The following URB1 variants were observed in gnomAD, a reference collection of about 807,000 sequenced individuals.
URB1 encodes nucleolar pre-ribosomal-associated protein 1.
URB1 carries 197 observed loss-of-function variants against 242.3 expected under a neutral mutation model. The ratio of observed to expected loss-of-function variants is 0.81; its 90% CI spans 0.72 to 0.91. The LOEUF (loss-of-function observed/expected upper bound fraction) is 0.91. Ranked by LOEUF, URB1 falls within the 40% of genes least tolerant of loss-of-function variation. The pLI is 0.00. For missense variants in URB1, 2,721 were observed against 2,860.5 expected (o/e 0.95, Z 1.11); for synonymous variants, 1,153 against 1,201.8 (o/e 0.96, Z 0.84).
In URB1 at chr21:32,333,415, G is replaced by GC. The variant is rs1349326003; in HGVS notation, c.4861_4862insG (p.Thr1621SerfsTer15). 1 of 1,551,254 alleles carries GC rather than the reference G, an allele frequency of 6.4e-7. No homozygotes were observed. The highest frequency in any genetic ancestry group is 8.7e-7 in the Non-Finnish European group (1 of 1,146,694). On this transcript the variant is annotated frameshift_variant, in exon 30 of 39. Transcript: ENST00000382751. LOFTEE classifies it high-confidence loss of function. ...TTTGTCTTTGAATATCAGCTCCTGT[G>GC]TGTCCTGAAAGAGCCAAAATCAACA...
chr21:32,366,024 G>C (rs2033342589), intron 10 of URB1, among the ~76,000 whole-genome samples: 1 of 152,242 alleles, frequency 6.6e-6, no homozygotes, highest in Non-Finnish European at 1.5e-5. Context: ...TGCGGTGAAA[G>C]ACATGTGAAC....
Position 32,319,224 on chromosome 21 carries a change from G to T in URB1, c.5785C>A (p.His1929Asn). ...GGCGGGGGCAGGACTCACCTCAGGT[G>T]CTTCATGAGCACGATGAGAACATAA... ...FLYVLIVLMK[H>N]LRPTLAPVQL... The change falls in exon 36 of 39, where the codon CAC (histidine) becomes AAC (asparagine). Residue 1929 changes from histidine (H) to asparagine (N), a missense_variant. By Grantham distance (68) the His-to-Asn change is moderately conservative. Coordinates refer to ENST00000382751, the MANE Select transcript of URB1 (RefSeq NM_014825.3). 6.5e-7 allele frequency: 1 copy of T among 1,549,462 alleles called. No homozygotes were observed. The highest frequency in any genetic ancestry group is 1.4e-5 in the African/African-American group (1 of 73,096).
At position 32,316,865 on chromosome 21, in the gene URB1, G is replaced by GCTC. The variant is rs1044578453; in HGVS notation, c.6232_6234dup (p.Glu2078dup). On this transcript the variant is annotated inframe_insertion, in exon 38 of 39. Coordinates refer to ENST00000382751, the MANE Select transcript of URB1 (RefSeq NM_014825.3). ...CTCTCGGGGCTGGCTGAGTCCACAGGCTCCTGAGTGGGGTCAGGACCAGGG... is the reference window on the plus strand; with the variant it reads ...CTCTCGGGGCTGGCTGAGTCCACAGGCTCCTCCTGAGTGGGGTCAGGACCAGGG... 1.3e-6 allele frequency: 2 copies of GCTC among 1,550,804 alleles called. No homozygotes were observed. The highest frequency in any genetic ancestry group is 2.7e-5 in the African/African-American group (2 of 73,020).
At chr21:32,335,194 C>T (rs749059849) in intron 28 of URB1, 3 of 152,908 alleles carry the variant, frequency 2.0e-5, no homozygotes, top group Admixed American at 6.5e-5. Context: ...CCCGATAAGC[C>T]GGGCTACTCA....
chr21:32,357,232 A>C (rs1055260937), intron 15 of URB1, among the ~76,000 whole-genome samples: 1 of 151,938 alleles, frequency 6.6e-6, no homozygotes, highest in Non-Finnish European at 1.5e-5. Context: ...GAGCCTGAGA[A>C]GGAGGAAAGA....
chr21:32,342,426 T>C (rs1033522437), intron 24 of URB1, among the ~76,000 whole-genome samples: 2 of 152,042 alleles, frequency 1.3e-5, no homozygotes, highest in Non-Finnish European at 2.9e-5. Context: ...TCCAAGGAGA[T>C]CCTGGACCCA....
intron 30 of URB1, among the ~76,000 whole-genome samples, chr21:32,329,423 CG>C (rs1207157007): frequency 4.5e-4 from 68 of 152,314 alleles, no homozygotes; most frequent in African/African-American, 1.6e-3. Context: ...GAGGAGCCTG[CG>C]TGCTCTGGTC....
chr21:32,368,711 A>C, intron 8 of URB1, 113 bp from the exon 9 acceptor site: 1 of 893,636 alleles, frequency 1.1e-6, no homozygotes, highest in Non-Finnish European at 1.6e-6. Flanking sequence ...CAGCAATAAC[A>C]ACGTAGGGAA....
At chr21:32,389,921 G>C (rs2033620768) in intron 1 of URB1, among the ~76,000 whole-genome samples, 1 of 152,146 alleles carries the variant, frequency 6.6e-6, no homozygotes, top group Non-Finnish European at 1.5e-5. Flanking sequence ...ACTACACGAA[G>C]GGAGCATCAT....
intron 28 of URB1, 38 bp downstream of exon 28, chr21:32,337,056 G>A (rs1288235569): frequency 6.5e-7 from 1 of 1,541,372 alleles, no homozygotes; most frequent in Non-Finnish European, 8.8e-7. Context: ...AGCAGGCTGT[G>A]ACCTCAAGGC....
intron 35 of URB1, 109 bp from the exon 36 acceptor site, chr21:32,319,523 C>A: frequency 1.7e-6 from 2 of 1,154,562 alleles, no homozygotes; most frequent in Non-Finnish European, 2.3e-6. Flanking sequence ...TAAGCATAGT[C>A]TCCAAGTAAA....
rs770857644 is a variant in URB1 at position 32,316,916 on chromosome 21, T to C, written c.6184A>G (p.Ile2062Val). The stretch of plus-strand genomic sequence containing the variant: ...ATCACTGGTCTCCAGTAAGTCAAGA[T>C]GGACCTCAGGAGGCCCTTGCATGTC... ...LETCKGLLRS[I>V]LTYWRPVIPG... is the part of the protein sequence containing the mutation. Residue 2062 changes from isoleucine (I) to valine (V), a missense_variant, in exon 38 of 39, where the codon ATC becomes GTC. Transcript: ENST00000382751. 8 of 1,551,718 alleles carry C rather than the reference T, an allele frequency of 5.2e-6. No individual in the cohort carries two copies. The South Asian group carries it at 9.5e-5, about 18-fold the overall frequency.
Position 32,317,190 on chromosome 21 carries a change from C to T in URB1, c.6035-125G>A, listed in dbSNP as rs1003954172. The T allele has an allele frequency of 1.6e-5, 22 of 1,339,370 alleles. No homozygotes were observed. In the African/African-American group the frequency reaches 2.9e-4, roughly 18 times the overall value. 83.0% of individuals were successfully genotyped at this position (1,339,370 alleles called of 1,614,324 possible). ...TGCATGTCCTGAGCACCCGGCCCTG[C>T]TCCCACGTCAGGAGCCTGGTGAGTG... is the stretch of plus-strand genomic sequence containing the variant. On this transcript the variant is annotated intron_variant, in intron 37 of 38. Transcript: ENST00000382751.
At chr21:32,357,750 A>C (rs2033239092) in intron 14 of URB1, 94 bp from the exon 15 acceptor site, 1 of 1,016,028 alleles carries the variant, frequency 9.8e-7, no homozygotes, top group African/African-American at 1.7e-5. Flanking sequence ...CCATGGGGCC[A>C]GGCGTGGTGG....
chr21:32,315,159 C>A, intron 38 of URB1, 60 bp from the exon 39 acceptor site: 1 of 1,425,438 alleles, frequency 7.0e-7, no homozygotes, highest in South Asian at 1.6e-5. Flanking sequence ...GAAAACAGGT[C>A]ATCCTGCCCA....
chr21:32,357,501 G>A (rs1305910303), intron 15 of URB1, 36 bp downstream of exon 15: 2 of 1,461,006 alleles, frequency 1.4e-6, no homozygotes, highest in East Asian at 2.7e-5. Context: ...TATACAAAAT[G>A]CTTTTCAGAG....
At position 32,373,700 on chromosome 21, in the gene URB1, C is replaced by T. The variant is rs748198870; in HGVS notation, c.823G>A (p.Ala275Thr). 13 of 1,549,270 alleles carry T rather than the reference C, an allele frequency of 8.4e-6. No homozygotes were observed. The South Asian group carries it at 1.1e-4, about 13-fold the overall frequency. ...ATCCCATTCCAGTTGTACAGCGATG[C>T]TATGTGGTTCAATAACTGCCCCGTA... ...FFTGQLLNHI[A>T]SLYNWNGITD... Residue 275 changes from alanine to threonine, a missense_variant, in exon 7 of 39, where the codon GCA becomes ACA. Transcript: ENST00000382751.
At chr21:32,324,134 C>T (rs2032799208) in intron 32 of URB1, among the ~76,000 whole-genome samples, 1 of 152,158 alleles carries the variant, frequency 6.6e-6, no homozygotes, top group African/African-American at 2.4e-5. Context: ...TGTGATTGGC[C>T]CACATTTTAA....
intron 30 of URB1, among the ~76,000 whole-genome samples, chr21:32,330,773 C>T (rs2032884769): frequency 6.6e-6 from 1 of 152,194 alleles, no homozygotes; most frequent in Non-Finnish European, 1.5e-5. Flanking sequence ...CTTAAAATCG[C>T]CATCAGGGCA....
Sources: gnomAD v4.1 joint callset for allele counts (sites outside exome capture counted in the v4.1 genomes callset) on GRCh38, gnomAD v4.1.1 for gene constraint, MANE v1.5 for transcripts, NCBI Gene and HGNC (gene_info 2026-07-23, HGNC 2026-07-21) for gene names.